AGBL4: variants seen among roughly 807,000 people sequenced by gnomAD.
AGBL4 encodes the protein AGBL carboxypeptidase 4.
A neutral mutation model predicts 66.4 loss-of-function variants in AGBL4; 58 were observed. The ratio of observed to expected loss-of-function variants is 0.87; its 90% CI spans 0.71 to 1.09. The LOEUF (loss-of-function observed/expected upper bound fraction) is 1.09. Ranked by LOEUF, AGBL4 falls within the 50% of genes least tolerant of loss-of-function variation. The pLI is 0.00. For missense variants in AGBL4, 579 were observed against 631.0 expected (o/e 0.92, Z 0.88); for synonymous variants, 234 against 222.9 (o/e 1.05, Z -0.44).
At chr1:48,900,403 T>C (rs1651968796) in intron 5 of AGBL4, among the ~76,000 whole-genome samples, 2 of 152,240 alleles carry the variant, frequency 1.3e-5, no homozygotes, top group Admixed American at 1.3e-4. Context: ...CTGAAATTCA[T>C]ATGAAAATGC....
intron 4 of AGBL4, among the ~76,000 whole-genome samples, chr1:49,131,336 T>C (rs1239983009): frequency 6.6e-6 from 1 of 152,064 alleles, no homozygotes; most frequent in Non-Finnish European, 1.5e-5. Flanking sequence ...GTCTATACAT[T>C]TGTCAAAATT....
At chr1:49,589,063 C>CA (rs1644705418) in intron 3 of AGBL4, among the ~76,000 whole-genome samples, 1 of 152,090 alleles carries the variant, frequency 6.6e-6, no homozygotes, top group Non-Finnish European at 1.5e-5. Flanking sequence ...ATACAGGAAA[C>CA]AATTACCAGT....
At chr1:49,282,309 T>A (rs181628163) in intron 3 of AGBL4, among the ~76,000 whole-genome samples, 7 of 152,318 alleles carry the variant, frequency 4.6e-5, no homozygotes, top group African/African-American at 1.7e-4. Flanking sequence ...TGTTTTACAC[T>A]ATGATAACTC....
At chr1:48,935,578 T>A (rs1235576621) in intron 5 of AGBL4, among the ~76,000 whole-genome samples, 3 of 152,050 alleles carry the variant, frequency 2.0e-5, no homozygotes, top group Non-Finnish European at 2.9e-5. Context: ...TTGGGTCTGA[T>A]CTTGGATAGA....
At chr1:49,571,337 TCA>T (rs1644327076) in intron 3 of AGBL4, among the ~76,000 whole-genome samples, 1 of 152,042 alleles carries the variant, frequency 6.6e-6, no homozygotes, top group Non-Finnish European at 1.5e-5. Flanking sequence ...GTATTTTTTT[TCA>T]GTTATAGGGT....
At position 49,364,459 on chromosome 1, in the gene AGBL4, C is replaced by T. The variant is rs775331219; in HGVS notation, c.283-118595G>A. Among the ~76,000 whole-genome samples the T allele has an allele frequency of 1.4e-4, 21 of 152,116 alleles. 1 individual carries two copies. The highest frequency in any genetic ancestry group is 8.5e-4 in the Admixed American group (13 of 15,268). On this transcript the variant is annotated intron_variant, in intron 3 of 13. Coordinates refer to ENST00000371839, the MANE Select transcript of AGBL4 (RefSeq NM_032785.4). ...TACTTTAATTATCTAATTTAATCTT[C>T]AAAACCACCATGAGAGTAGTTTTTT...
intron 4 of AGBL4, among the ~76,000 whole-genome samples, chr1:49,169,652 G>A (rs1462069086): frequency 1.3e-5 from 2 of 152,148 alleles, no homozygotes; most frequent in Non-Finnish European, 2.9e-5. Flanking sequence ...ATCCTGCTTA[G>A]GGGATGAAGT....
intron 11 of AGBL4, among the ~76,000 whole-genome samples, chr1:48,542,158 A>G (rs1365525898): frequency 6.6e-6 from 1 of 152,220 alleles, no homozygotes; most frequent in Non-Finnish European, 1.5e-5. Context: ...ATGTCCCTGC[A>G]AAGCACATGA....
rs183399311 is a variant in AGBL4, at chr1:49,515,480, C to T, written c.282+181833G>A. Among the ~76,000 whole-genome samples, 8 of 151,578 alleles carry T rather than the reference C, an allele frequency of 5.3e-5. 1 individual carries two copies. In the East Asian group the frequency reaches 5.9e-4, roughly 11 times the overall value. On this transcript the variant is annotated intron_variant, in intron 3 of 13. Transcript: ENST00000371839. Reference sequence around the variant, plus strand: ...TCAACAATTGTGGAAGTTAGTGTGGCGATTCCTCAGGGATCTAGAACTAGA... The same window carrying T: ...TCAACAATTGTGGAAGTTAGTGTGGTGATTCCTCAGGGATCTAGAACTAGA...
chr1:49,346,112 A>G (rs988739471), intron 3 of AGBL4, among the ~76,000 whole-genome samples: 7 of 152,206 alleles, frequency 4.6e-5, no homozygotes, highest in Non-Finnish European at 8.8e-5. Context: ...TAATAAGACC[A>G]AAACTTATTT....
At chr1:48,680,137 A>G (rs1333026092) in intron 6 of AGBL4, among the ~76,000 whole-genome samples, 5 of 152,234 alleles carry the variant, frequency 3.3e-5, no homozygotes, top group Admixed American at 6.5e-5. Context: ...GGGCACATCA[A>G]TATAAAAATG....
chr1:48,677,639 C>A (rs555055450), intron 6 of AGBL4, among the ~76,000 whole-genome samples: 1 of 152,142 alleles, frequency 6.6e-6, no homozygotes, highest in South Asian at 2.1e-4. Context: ...TGAGCAGCTG[C>A]GACGTCAGTC....
intron 4 of AGBL4, among the ~76,000 whole-genome samples, chr1:49,208,910 A>T (rs1398822124): frequency 6.6e-6 from 1 of 151,918 alleles, no homozygotes; most frequent in Non-Finnish European, 1.5e-5. Context: ...CAAACAACAC[A>T]CCACCCAAAC....
chr1:49,017,921 A>T (rs909074212), intron 5 of AGBL4, among the ~76,000 whole-genome samples: 1 of 152,128 alleles, frequency 6.6e-6, no homozygotes, highest in African/African-American at 2.4e-5. Flanking sequence ...CATTCAGAGA[A>T]GACAACCTAG....
At chr1:49,361,314 A>G (rs770766272) in intron 3 of AGBL4, among the ~76,000 whole-genome samples, 3 of 152,052 alleles carry the variant, frequency 2.0e-5, no homozygotes, top group Non-Finnish European at 4.4e-5. Context: ...TCATTCCTCT[A>G]TCACAGAACC....
At chr1:48,531,205 T>TCTC (rs1557765078), downstream of AGBL4, among the ~76,000 whole-genome samples, 28 of 136,696 alleles carry the variant, frequency 2.0e-4, no homozygotes, top group Non-Finnish European at 3.6e-4. Context: ...CAGCTTTTTT[T>TCTC]TTTCTCTCTC....
At chr1:49,179,447 T>A (rs1646889412) in intron 4 of AGBL4, among the ~76,000 whole-genome samples, 1 of 152,154 alleles carries the variant, frequency 6.6e-6, no homozygotes, top group African/African-American at 2.4e-5. Flanking sequence ...AAATAGTAGT[T>A]CTGTCAAATT....
chr1:48,942,340 G>A (rs557591085), intron 5 of AGBL4, among the ~76,000 whole-genome samples: 1 of 151,802 alleles, frequency 6.6e-6, no homozygotes, highest in African/African-American at 2.4e-5. Context: ...AAAAGAATAT[G>A]GCTTTAGAGC....
In AGBL4 at chr1:49,103,579, C is replaced by CTTCT. The variant is rs374689064; in HGVS notation, c.378-57783_378-57780dup. On this transcript the variant is annotated intron_variant, in intron 4 of 13. Transcript: ENST00000371839. ...CTGGATTCGCCTTTGAAGAGTCAAG[C>CTTCT]TTCTGACTTCTCTATTCCCTGCTCC... Among the ~76,000 whole-genome samples the CTTCT allele has an allele frequency of 1.9e-3, 285 of 152,252 alleles. 2 individuals carry two copies. The highest frequency in any genetic ancestry group is 6.5e-3 in the African/African-American group (270 of 41,558).
Sources: allele counts gnomAD v4.1 joint callset (sites outside exome capture counted in the v4.1 genomes callset), GRCh38; gene constraint gnomAD v4.1.1; transcripts MANE v1.5; gene names NCBI Gene and HGNC (gene_info 2026-07-23, HGNC 2026-07-21).